Variants in EIF2AK2 observed in about 807,000 individuals in gnomAD.
EIF2AK2 encodes eukaryotic translation initiation factor 2 alpha kinase 2.
A neutral mutation model predicts 70.5 loss-of-function variants in EIF2AK2; 40 were observed. The observed-to-expected ratio is 0.57, with a 90% CI of 0.44 to 0.74. EIF2AK2 has a LOEUF of 0.74. Among genes scored for constraint, EIF2AK2 ranks in the 30% least tolerant of loss-of-function variants. EIF2AK2 has a pLI of 0.00. For synonymous variants in EIF2AK2, 198 were observed against 220.9 expected, an observed-to-expected ratio of 0.90 and a Z score of 0.92; for missense variants, 555 against 644.3, an observed-to-expected ratio of 0.86 and a Z score of 1.50.
At position 37,128,378 on chromosome 2, in the gene EIF2AK2, AT is replaced by A. The variant is rs200880682; in HGVS notation, c.786-1968del. 3.5e-3 allele frequency among the ~76,000 whole-genome samples: 534 copies of A among 152,108 alleles called. 5 individuals carry two copies. Among genetic ancestry groups the A allele is most frequent in the African/African-American group, 0.012 (494 of 41,490 alleles). On this transcript the variant is annotated intron_variant, in intron 10 of 16. Transcript: ENST00000233057. ...GATCAATTCTAATTCCCACAGAAGT[AT>A]TTTTTTTAATCACTGATTTACAGGA... is the stretch of plus-strand genomic sequence containing the variant.
At chr2:37,146,733 C>T (rs1573038206) in intron 4 of EIF2AK2, 120 bp downstream of exon 4, 2 of 1,295,162 alleles carry the variant, frequency 1.5e-6, no homozygotes, top group East Asian at 2.4e-5. Context: ...CTTAACCAAA[C>T]TCTTGAATGT....
rs1673806582 is a variant in EIF2AK2, at chr2:37,100,676, A to G, written c.*6597T>C. On this transcript the variant is annotated 3_prime_UTR_variant, in exon 17 of 17. Transcript: ENST00000233057. ...GGCCTGGATGGCCGTTTAGAGAGAAAGAGTTAACATTTCAGTGGAGACCTT... is the reference window on the plus strand; with the variant it reads ...GGCCTGGATGGCCGTTTAGAGAGAAGGAGTTAACATTTCAGTGGAGACCTT... 6.6e-6 allele frequency: 1 copy of G among 152,224 alleles called. No individual in the cohort carries two copies. Among genetic ancestry groups the G allele is most frequent in the Admixed American group, 6.5e-5 (1 of 15,272 alleles). 9.4% of individuals were successfully genotyped at this position (152,224 alleles called of 1,614,324 possible).
intron 10 of EIF2AK2, among the ~76,000 whole-genome samples, chr2:37,133,484 C>A (rs1436127066): frequency 6.6e-6 from 1 of 152,156 alleles, no homozygotes. Context: ...CAATTCCCCC[C>A]TCACACCAAA....
At chr2:37,120,636 T>C (rs1204492651) in intron 12 of EIF2AK2, among the ~76,000 whole-genome samples, 2 of 149,724 alleles carry the variant, frequency 1.3e-5, no homozygotes, top group African/African-American at 4.9e-5. Flanking sequence ...AGTTCCCGGA[T>C]GTCCAGAGCT....
At chr2:37,148,518 C>T (rs1308340168) in intron 2 of EIF2AK2, 3 of 645,928 alleles carry the variant, frequency 4.6e-6, no homozygotes, top group Non-Finnish European at 8.6e-6. Flanking sequence ...GGAAAATATG[C>T]TAGAATCAAC....
Position 37,156,897 on chromosome 2 carries a change from G to A in EIF2AK2, c.-184+11C>T, listed in dbSNP as rs541820062. 1.1e-5 allele frequency: 2 copies of A among 179,204 alleles called. No individual in the cohort carries two copies. Among genetic ancestry groups the A allele is most frequent in the South Asian group, 2.7e-4 (2 of 7,428 alleles). 11.1% of individuals were successfully genotyped at this position (179,204 alleles called of 1,614,324 possible). On this transcript the variant is annotated intron_variant, in intron 1 of 16. Transcript: ENST00000233057. ...CCCCGCGCTCCCTCGGCTGCCCCCT[G>A]CCCTGCTCACCTGCGCCGCCGCCGC...
rs777702134 is a variant in EIF2AK2 at position 37,135,537 on chromosome 2, T to C, written c.732A>G (p.Ala244=). 1.2e-6 allele frequency: 2 copies of C among 1,610,218 alleles called. No individual in the cohort carries two copies. Among genetic ancestry groups the C allele is most frequent in the Non-Finnish European group, 1.7e-6 (2 of 1,178,376 alleles). Residue 244 remains alanine (A), a synonymous_variant, in exon 10 of 17, where the codon GCA becomes GCG. Coordinates refer to ENST00000233057, the MANE Select transcript of EIF2AK2 (RefSeq NM_001135651.3). ...NNQRKAKRSL[A]PRFDLPDMKE... is the part of the protein sequence containing the mutation. ...TCATGTCAGGAAGGTCAAATCTGGGTGCCAAAGATCTAAAAATTAAGAGTT... is the reference window on the plus strand; with the variant it reads ...TCATGTCAGGAAGGTCAAATCTGGGCGCCAAAGATCTAAAAATTAAGAGTT...
chr2:37,112,807 T>G (rs1023920746), intron 14 of EIF2AK2, among the ~76,000 whole-genome samples: 12 of 152,300 alleles, frequency 7.9e-5, no homozygotes, highest in Admixed American at 7.8e-4. Context: ...TGCCTACAAT[T>G]CAGTGGCATT....
intron 4 of EIF2AK2, 92 bp downstream of exon 4, chr2:37,146,761 G>A (rs1573038241): frequency 1.3e-6 from 2 of 1,488,040 alleles, no homozygotes; most frequent in African/African-American, 1.4e-5. Flanking sequence ...CGTGTGAATG[G>A]CTTTACTCTG....
rs1382719732 is a variant in EIF2AK2, at chr2:37,101,891, T to C, written c.*5382A>G. Reference sequence around the variant, plus strand: ...ATGCTGTGGTTTTGTTAAAAAGATTTATCTGCTAGAGATACATTTTAAAGT... The same window carrying C: ...ATGCTGTGGTTTTGTTAAAAAGATTCATCTGCTAGAGATACATTTTAAAGT... On this transcript the variant is annotated 3_prime_UTR_variant, in exon 17 of 17. Transcript: ENST00000233057. 6.6e-6 allele frequency: 1 copy of C among 152,208 alleles called. No homozygotes were observed. Among genetic ancestry groups the C allele is most frequent in the Non-Finnish European group, 1.5e-5 (1 of 68,046 alleles). The allele number at this position is 152,208 out of a possible 1,614,324, so 9.4% of individuals were successfully genotyped here. A position where few individuals can be genotyped will look rare whatever the true frequency, so the allele number is the denominator to read the frequency against.
At chr2:37,131,191 C>G (rs1429841873) in intron 10 of EIF2AK2, among the ~76,000 whole-genome samples, 1 of 152,156 alleles carries the variant, frequency 6.6e-6, no homozygotes, top group Non-Finnish European at 1.5e-5. Flanking sequence ...CTTTCTGTCA[C>G]CTAAAATGTG....
chr2:37,111,878 A>T (rs868195671), intron 14 of EIF2AK2, among the ~76,000 whole-genome samples: 191 of 69,080 alleles, frequency 2.8e-3, no homozygotes, highest in Non-Finnish European at 3.2e-3. Context: ...AAAAAAAAAA[A>T]ATATATATAT....
At chr2:37,138,413 T>A in intron 7 of EIF2AK2, 50 bp from the exon 8 acceptor site, 10 of 1,600,060 alleles carry the variant, frequency 6.2e-6, no homozygotes, top group Non-Finnish European at 7.7e-6. Context: ...TTTTTATCAC[T>A]TATTTCTTTC....
chr2:37,146,674 G>C (rs974411821), intron 4 of EIF2AK2, among the ~76,000 whole-genome samples, 179 bp downstream of exon 4: 4 of 152,142 alleles, frequency 2.6e-5, no homozygotes, highest in African/African-American at 9.7e-5. Flanking sequence ...TGGTGTCCTA[G>C]GTGTGGCTCT....
chr2:37,116,177 G>A lies in EIF2AK2; in HGVS notation c.1249-1318C>T, dbSNP rs781595112. Among the ~76,000 whole-genome samples, 8 of 152,128 alleles carry A rather than the reference G, an allele frequency of 5.3e-5. No individual in the cohort carries two copies. The South Asian group carries it at 8.3e-4, about 16-fold the overall frequency. On this transcript the variant is annotated intron_variant, in intron 13 of 16. Transcript: ENST00000233057. ...GCCTCCCAAAGTGCTGAGGTTACAG[G>A]CATGAGCCACCACGCCCAGCCCATA...
chr2:37,109,190 T>G lies in EIF2AK2; in HGVS notation c.1479+4A>C, dbSNP rs1674063349. ...GTTTAATTCTTTCTTTGAGATAATT[T>G]TACCTTTGATGTTTCAAAAGCAGTG... On this transcript the variant is annotated splice_donor_region_variant and intron_variant, in intron 15 of 16. Coordinates refer to ENST00000233057, the MANE Select transcript of EIF2AK2 (RefSeq NM_001135651.3). 1.2e-6 allele frequency: 2 copies of G among 1,613,460 alleles called. No homozygotes were observed. The highest frequency in any genetic ancestry group is 2.7e-5 in the African/African-American group (2 of 75,010).
intron 13 of EIF2AK2, among the ~76,000 whole-genome samples, chr2:37,117,230 AAAAAGAAAAAAAG>A (rs1291730994): frequency 1.3e-5 from 2 of 150,260 alleles, no homozygotes; most frequent in African/African-American, 4.9e-5. Context: ...AAAAAAAAGA[AAAAAGAAAAAAAG>A]AAAAGAAAAA....
At chr2:37,124,152 G>C (rs1319772714) in intron 11 of EIF2AK2, among the ~76,000 whole-genome samples, 1 of 151,912 alleles carries the variant, frequency 6.6e-6, no homozygotes, top group East Asian at 1.9e-4. Context: ...ATTTTTTGTA[G>C]AGACAGGGTT....
At chr2:37,121,617 ATTTT>A (rs34031780) in intron 12 of EIF2AK2, among the ~76,000 whole-genome samples, 6 of 122,160 alleles carry the variant, frequency 4.9e-5, no homozygotes, top group Non-Finnish European at 5.2e-5. Context: ...TGGAGGCTTG[ATTTT>A]TTTTTTTTTT....
Sources: gnomAD v4.1 joint callset for allele counts (sites outside exome capture counted in the v4.1 genomes callset) on GRCh38, gnomAD v4.1.1 for gene constraint, MANE v1.5 for transcripts, NCBI Gene and HGNC (gene_info 2026-07-23, HGNC 2026-07-21) for gene names.